SSC4D: variants seen among roughly 807,000 people sequenced by gnomAD.
The protein encoded by SSC4D is scavenger receptor cysteine-rich domain-containing group B protein.
SSC4D carries 57 observed loss-of-function variants against 63.4 expected under a neutral mutation model. The observed-to-expected ratio is 0.90, with a 90% CI of 0.73 to 1.12. SSC4D has a LOEUF of 1.12. Ranked by LOEUF, SSC4D falls within the 50% of genes most tolerant of loss-of-function variation. The pLI, the probability that SSC4D is intolerant of heterozygous loss-of-function variation, is 0.00. For missense variants in SSC4D, 791 were observed against 806.4 expected (o/e 0.98, Z 0.23); for synonymous variants, 352 against 345.4 (o/e 1.02, Z -0.21).
At chr7:76,393,804 C>T in intron 8 of SSC4D, 26 bp downstream of exon 8, 1 of 1,415,172 alleles carries the variant, frequency 7.1e-7, no homozygotes, top group Non-Finnish European at 9.2e-7. Flanking sequence ...TCCCCATCCC[C>T]CGCAGACCCA....
chr7:76,401,009 T>A lies in SSC4D; in HGVS notation c.168A>T (p.Gln56His). ...GGAAGGGCGGGGTGGGGCACCTACC[T>A]TGAAAGGGCAGTGGAGTGGGCTGTA... Reference protein sequence around the residue: ...SALQPTPLPFQELRLVGGPSR... With the variant: ...SALQPTPLPFHELRLVGGPSR... Residue 56 changes from glutamine to histidine, a missense_variant and splice_region_variant, in exon 3 of 11, where the codon CAA becomes CAT. Coordinates refer to ENST00000275560, the MANE Select transcript of SSC4D (RefSeq NM_080744.2). 6.4e-7 allele frequency: 1 copy of A among 1,550,548 alleles called. No homozygotes were observed.
chr7:76,393,771 C>CT, intron 8 of SSC4D, 55 bp from the exon 9 acceptor site: 1 of 1,492,416 alleles, frequency 6.7e-7, no homozygotes, highest in South Asian at 1.3e-5. Context: ...TGCCGGCTCC[C>CT]GGCAGAGCCC....
Position 76,389,914 on chromosome 7 carries a change from G to T in SSC4D, c.*145C>A. 9.6e-7 allele frequency: 1 copy of T among 1,046,172 alleles called. No homozygotes were observed. The highest frequency in any genetic ancestry group is 1.4e-6 in the Non-Finnish European group (1 of 717,474). The allele number at this position is 1,046,172 out of a possible 1,614,324, so 64.8% of individuals were successfully genotyped here. A position where few individuals can be genotyped will look rare whatever the true frequency, so the allele number is the denominator to read the frequency against. On this transcript the variant is annotated 3_prime_UTR_variant, in exon 11 of 11. Transcript: ENST00000275560. The stretch of plus-strand genomic sequence containing the variant: ...GGGTACAGCCAGGCTCCCCCAAGCA[G>T]GACTGCACTGTCTAGGTAGGCTCTC...
chr7:76,392,893 C>T (rs1216276702), intron 9 of SSC4D, among the ~76,000 whole-genome samples: 3 of 152,116 alleles, frequency 2.0e-5, no homozygotes, highest in Non-Finnish European at 4.4e-5. Context: ...GCCTACTAGC[C>T]CTGGGGCACC....
intron 6 of SSC4D, among the ~76,000 whole-genome samples, chr7:76,397,239 C>T (rs755804165): frequency 6.6e-6 from 1 of 152,180 alleles, no homozygotes; most frequent in Non-Finnish European, 1.5e-5. Context: ...TGCACCACCA[C>T]GCCCGGCTAA....
chr7:76,405,315 A>C (rs1446200293), intron 1 of SSC4D, among the ~76,000 whole-genome samples: 1,341 of 30,302 alleles, frequency 0.044, 92 homozygotes, highest in African/African-American at 0.1. Flanking sequence ...ATATATATAT[A>C]TGTATTTTTT....
Position 76,391,973 on chromosome 7 carries a change from GC to G in SSC4D, c.1401del (p.Arg469GlyfsTer18). Reference sequence around the variant, plus strand: ...GATTATGGGCACCTACCGTCCCTGGGCCGAGGAGTGGGCACCCGCGTGGTCT... The same window carrying G: ...GATTATGGGCACCTACCGTCCCTGGGCGAGGAGTGGGCACCCGCGTGGTCT... ...GSETTRVPTP[R>X]PRDGHLRLVN... On this transcript the variant is annotated frameshift_variant, in exon 10 of 11. Coordinates refer to ENST00000275560, the MANE Select transcript of SSC4D (RefSeq NM_080744.2). LOFTEE classifies it high-confidence loss of function. 2 of 1,594,072 alleles carry G rather than the reference GC, an allele frequency of 1.3e-6. No homozygotes were observed. Among genetic ancestry groups the G allele is most frequent in the Non-Finnish European group, 1.7e-6 (2 of 1,170,108 alleles).
chr7:76,393,710 C>A lies in SSC4D; in HGVS notation c.1028G>T (p.Arg343Leu). The A allele has an allele frequency of 1.4e-6, 2 of 1,392,326 alleles. No individual in the cohort carries two copies. Among genetic ancestry groups the A allele is most frequent in the East Asian group, 3.0e-5 (1 of 33,870 alleles). The allele number at this position is 1,392,326 out of a possible 1,614,324, so 86.2% of individuals were successfully genotyped here. Residue 343 changes from arginine to leucine, a missense_variant, in exon 9 of 11, where the codon CGG becomes CTG. Arg to Leu is a moderately radical substitution (Grantham distance 102). Coordinates refer to ENST00000275560, the MANE Select transcript of SSC4D (RefSeq NM_080744.2). ...ACCCGGGCCGCCCACCAGTCGCAGC[C>A]GTCCACCTGCGGGGCGCACAGGCCC... ...AAWAAGKKSG[R>L]LRLVGGPGPC...
intron 6 of SSC4D, among the ~76,000 whole-genome samples, chr7:76,396,992 G>A (rs1436211050): frequency 6.6e-6 from 1 of 152,182 alleles, no homozygotes; most frequent in Non-Finnish European, 1.5e-5. Flanking sequence ...CTCTAAAGTG[G>A]TCCAGGAACA....
intron 9 of SSC4D, 114 bp downstream of exon 9, chr7:76,393,291 A>C (rs931358997): frequency 5.1e-5 from 58 of 1,129,198 alleles, no homozygotes; most frequent in Non-Finnish European, 6.4e-5. Flanking sequence ...CGGAGTGCGC[A>C]TGCTCCCCGG....
intron 9 of SSC4D, among the ~76,000 whole-genome samples, chr7:76,392,525 T>A (rs1457468939): frequency 6.8e-6 from 1 of 147,776 alleles, no homozygotes; most frequent in East Asian, 2.0e-4. Context: ...GGTGACAGAC[T>A]GAGACTCTGT....
At position 76,398,734 on chromosome 7, in the gene SSC4D, A is replaced by G. The variant is rs199969827; in HGVS notation, c.539T>C (p.Leu180Pro). The G allele has an allele frequency of 5.6e-6, 9 of 1,613,364 alleles. No individual in the cohort carries two copies. In the East Asian group the frequency reaches 2.0e-4, roughly 36 times the overall value. The change falls in exon 5 of 11, where the codon CTG becomes CCG. Residue 180 changes from leucine to proline, a missense_variant. Physicochemically the swap from Leu to Pro is moderately conservative, Grantham distance 98 (BLOSUM62 -3). Transcript: ENST00000275560. ...MLTSRAPPTT[L>P]PNGKSEGSVR... is the part of the protein sequence containing the mutation. ...TGCTTACGTACTTTTTCCATTCGGCAGTGTCGTAGGAGGTGCTCTACTGGT... is the reference window on the plus strand; with the variant it reads ...TGCTTACGTACTTTTTCCATTCGGCGGTGTCGTAGGAGGTGCTCTACTGGT...
Position 76,401,019 on chromosome 7 carries a change from A to G in SSC4D, c.158T>C (p.Leu53Pro). ...PLASALQPTP[L>P]PFQELRLVGG... ...GGTGGGGCACCTACCTTGAAAGGGC[A>G]GTGGAGTGGGCTGTAGGGCGCTGGC... The change falls in exon 3 of 11, where the codon CTG (leucine) becomes CCG (proline). Residue 53 changes from leucine to proline, a missense_variant. Coordinates refer to ENST00000275560, the MANE Select transcript of SSC4D (RefSeq NM_080744.2). 1.9e-6 allele frequency: 3 copies of G among 1,550,418 alleles called. No homozygotes were observed. The highest frequency in any genetic ancestry group is 2.6e-6 in the Non-Finnish European group (3 of 1,146,414).
chr7:76,393,880 G>C lies in SSC4D; in HGVS notation c.971C>G (p.Ser324Cys). Residue 324 changes from serine to cysteine, a missense_variant, in exon 8 of 11, where the codon TCC becomes TGC. By Grantham distance (112) the Ser-to-Cys change is moderately radical (BLOSUM62 -1). Coordinates refer to ENST00000275560, the MANE Select transcript of SSC4D (RefSeq NM_080744.2). Reference protein sequence around the residue: ...PSATGVGPQPSRETALLTTAA... With the variant: ...PSATGVGPQPCRETALLTTAA... ...GGTGGTGAGCAGTGCTGTCTCCCGG[G>C]AAGGCTGGGGGCCAACTCCTGTAGC... 6.2e-7 allele frequency: 1 copy of C among 1,606,476 alleles called. No individual in the cohort carries two copies. The highest frequency in any genetic ancestry group is 8.5e-7 in the Non-Finnish European group (1 of 1,176,250).
chr7:76,403,000 A>C (rs1245768214), intron 2 of SSC4D, among the ~76,000 whole-genome samples: 1 of 152,158 alleles, frequency 6.6e-6, no homozygotes, highest in Non-Finnish European at 1.5e-5. Context: ...TCAGTTAATC[A>C]TTAGGATAAT....
chr7:76,393,548 C>T lies in SSC4D; in HGVS notation c.1190G>A (p.Gly397Asp). 6.6e-7 allele frequency: 1 copy of T among 1,522,448 alleles called. No homozygotes were observed. Among genetic ancestry groups the T allele is most frequent in the Non-Finnish European group, 8.8e-7 (1 of 1,141,836 alleles). The allele number at this position is 1,522,448 out of a possible 1,614,324, so 94.3% of individuals were successfully genotyped here. A position where few individuals can be genotyped will look rare whatever the true frequency, so the allele number is the denominator to read the frequency against. The change falls in exon 9 of 11, where the codon GGC becomes GAC. Residue 397 changes from glycine (G) to aspartate (D), a missense_variant. Gly to Asp is a moderately conservative substitution (Grantham distance 94). Transcript: ENST00000275560. ...CGPALGATGLGHFGYGRGPVL... is the reference protein window; with the variant it reads ...CGPALGATGLDHFGYGRGPVL... Reference sequence around the variant, plus strand: ...GGGGCCGCGGCCGTAGCCGAAGTGGCCCAGTCCCGTAGCGCCCAGCGCAGG... The same window carrying T: ...GGGGCCGCGGCCGTAGCCGAAGTGGTCCAGTCCCGTAGCGCCCAGCGCAGG...
At chr7:76,405,351 T>TC (rs1390260649) in intron 1 of SSC4D, among the ~76,000 whole-genome samples, 17 of 103,588 alleles carry the variant, frequency 1.6e-4, no homozygotes, top group South Asian at 3.3e-4. Context: ...TTTTTTTTTT[T>TC]TTTTTTTTTT....
In SSC4D at chr7:76,397,985, T is replaced by C. The variant is rs60001269; in HGVS notation, c.554-153A>G. ...CCGCCTCCTTGGTCCAGACTGGGGGTAGCTTGTGGGATCATAGTATCATTT... is the reference window on the plus strand; with the variant it reads ...CCGCCTCCTTGGTCCAGACTGGGGGCAGCTTGTGGGATCATAGTATCATTT... On this transcript the variant is annotated intron_variant, in intron 5 of 10. Coordinates refer to ENST00000275560, the MANE Select transcript of SSC4D (RefSeq NM_080744.2). Among the ~76,000 whole-genome samples the C allele has an allele frequency of 7.6e-3, 1,159 of 152,144 alleles. 18 individuals are homozygous for C. Among genetic ancestry groups the C allele is most frequent in the African/African-American group, 0.027 (1,118 of 41,504 alleles).
intron 10 of SSC4D, among the ~76,000 whole-genome samples, chr7:76,391,250 A>G (rs1229426824): frequency 6.6e-6 from 1 of 152,154 alleles, no homozygotes; most frequent in Non-Finnish European, 1.5e-5. Flanking sequence ...CCTGGCCAAC[A>G]TGGTGAAACC....
Sources: allele counts gnomAD v4.1 joint callset (sites outside exome capture counted in the v4.1 genomes callset), GRCh38; gene constraint gnomAD v4.1.1; transcripts MANE v1.5; gene names NCBI Gene and HGNC (gene_info 2026-07-23, HGNC 2026-07-21).